The following WDPCP variants were observed in gnomAD, a reference collection of about 807,000 sequenced individuals.
The protein encoded by WDPCP is WD repeat containing planar cell polarity effector.
In WDPCP, 71 loss-of-function variants were observed where a neutral mutation model predicts 93.1. The ratio of observed to expected loss-of-function variants is 0.76; its 90% CI spans 0.63 to 0.93. The LOEUF (loss-of-function observed/expected upper bound fraction) is 0.93. WDPCP is among the 40% of genes least tolerant of loss of function. WDPCP has a pLI of 0.00. For missense variants in WDPCP, 844 were observed against 887.4 expected, an observed-to-expected ratio of 0.95 and a Z score of 0.62; for synonymous variants, 315 against 315.0, an observed-to-expected ratio of 1.00 and a Z score of 0.00.
intron 2 of WDPCP, among the ~76,000 whole-genome samples, chr2:63,689,723 T>C (rs989242898): frequency 2.0e-5 from 3 of 152,204 alleles, no homozygotes; most frequent in African/African-American, 2.4e-5. Context: ...TCCTCTCTTA[T>C]TTCTTCAGAT....
intron 2 of WDPCP, among the ~76,000 whole-genome samples, chr2:63,662,999 A>G (rs1710243061): frequency 6.6e-6 from 1 of 152,178 alleles, no homozygotes; most frequent in Non-Finnish European, 1.5e-5. Flanking sequence ...AGAGACAAAA[A>G]GCTCACCAGC....
intron 1 of WDPCP, among the ~76,000 whole-genome samples, chr2:63,565,139 T>A (rs750021535): frequency 4.6e-5 from 7 of 152,120 alleles, no homozygotes; most frequent in Non-Finnish European, 8.8e-5. Context: ...ACAAGATTTA[T>A]CCTAAAGCAT....
chr2:63,713,366 T>C (rs1306017669), intron 2 of WDPCP, among the ~76,000 whole-genome samples: 1 of 152,192 alleles, frequency 6.6e-6, no homozygotes, highest in African/African-American at 2.4e-5. Flanking sequence ...CATAGAGGGA[T>C]AGGAATGGTG....
intron 14 of WDPCP, among the ~76,000 whole-genome samples, chr2:63,250,044 A>G (rs971627293): frequency 6.6e-6 from 1 of 152,200 alleles, no homozygotes; most frequent in African/African-American, 2.4e-5. Flanking sequence ...ATATATCCTT[A>G]TTAAGTTGAG....
chr2:63,756,165 A>G (rs1669965445), intron 2 of WDPCP, among the ~76,000 whole-genome samples: 1 of 152,190 alleles, frequency 6.6e-6, no homozygotes, highest in Non-Finnish European at 1.5e-5. Context: ...AATGTTATTG[A>G]TTTTTCCTAA....
At chr2:63,500,447 G>C (rs1305318012) in intron 1 of WDPCP, among the ~76,000 whole-genome samples, 3 of 88,832 alleles carry the variant, frequency 3.4e-5, no homozygotes, top group African/African-American at 1.2e-4. Context: ...AGAGAAAATG[G>C]TGTGGGGGTG....
chr2:63,729,342 A>AT (rs1250550288), intron 2 of WDPCP, among the ~76,000 whole-genome samples: 14 of 152,230 alleles, frequency 9.2e-5, no homozygotes, highest in South Asian at 2.1e-4. Flanking sequence ...TGATAAAAAA[A>AT]ATATATTTTA....
chr2:63,268,976 G>A (rs1274521079), intron 13 of WDPCP, among the ~76,000 whole-genome samples: 2 of 151,734 alleles, frequency 1.3e-5, no homozygotes, highest in South Asian at 4.2e-4. Context: ...AAATATAAAA[G>A]AATCATGCAT....
At chr2:63,623,113 C>T (rs1709767633) in intron 3 of WDPCP, among the ~76,000 whole-genome samples, 1 of 152,232 alleles carries the variant, frequency 6.6e-6, no homozygotes, top group Non-Finnish European at 1.5e-5. Context: ...AAAGAAATAA[C>T]GTCTTTTACA....
intron 1 of WDPCP, among the ~76,000 whole-genome samples, chr2:63,506,329 T>C (rs1701868153): frequency 6.6e-6 from 1 of 151,952 alleles, no homozygotes; most frequent in Admixed American, 6.6e-5. Context: ...TCCAAATAAC[T>C]TGGCAACATA....
intron 2 of WDPCP, among the ~76,000 whole-genome samples, chr2:63,722,654 A>AGG (rs1169940858): frequency 3.5e-5 from 1 of 28,568 alleles, no homozygotes; most frequent in African/African-American, 2.4e-4. Context: ...TCCGGGAGGG[A>AGG]GGTGGGGGGG....
chr2:63,226,685 C>A (rs572663735), intron 14 of WDPCP, among the ~76,000 whole-genome samples: 14 of 151,964 alleles, frequency 9.2e-5, no homozygotes, highest in African/African-American at 2.9e-4. Context: ...CTCTGTATTA[C>A]TGTAGAACAT....
At chr2:63,705,689 T>C (rs574602491) in intron 2 of WDPCP, among the ~76,000 whole-genome samples, 4 of 151,582 alleles carry the variant, frequency 2.6e-5, no homozygotes, top group African/African-American at 9.7e-5. Context: ...TGTTCTTTTA[T>C]ATTTGCTGAG....
intron 12 of WDPCP, among the ~76,000 whole-genome samples, chr2:63,327,067 T>C (rs189902458): frequency 3.9e-5 from 6 of 152,202 alleles, no homozygotes; most frequent in Admixed American, 3.3e-4. Flanking sequence ...TTAATTACCA[T>C]ACAAAGTTCT....
intron 12 of WDPCP, among the ~76,000 whole-genome samples, chr2:63,353,235 G>C (rs1689762134): frequency 6.6e-6 from 1 of 152,178 alleles, no homozygotes; most frequent in East Asian, 1.9e-4. Context: ...CTGTAGAACA[G>C]TCCCTAAGGC....
chr2:63,718,103 T>C (rs1413926147), intron 2 of WDPCP, among the ~76,000 whole-genome samples: 1 of 152,024 alleles, frequency 6.6e-6, no homozygotes, highest in Non-Finnish European at 1.5e-5. Context: ...ATGATAAATA[T>C]ATGATATGAT....
intron 1 of WDPCP, among the ~76,000 whole-genome samples, chr2:63,500,590 G>C (rs1701491229): frequency 6.6e-6 from 1 of 152,098 alleles, no homozygotes; most frequent in Non-Finnish European, 1.5e-5. Context: ...TAGAGGTTAA[G>C]TCTGCTAAAG....
chr2:63,271,160 A>G (rs1242595538), intron 13 of WDPCP, among the ~76,000 whole-genome samples: 4 of 152,224 alleles, frequency 2.6e-5, no homozygotes, highest in African/African-American at 9.6e-5. Context: ...CAATGGGACC[A>G]GAACCAAAGT....
At chr2:63,231,777 T>G (rs931123475) in intron 14 of WDPCP, among the ~76,000 whole-genome samples, 1 of 152,164 alleles carries the variant, frequency 6.6e-6, no homozygotes, top group African/African-American at 2.4e-5. Flanking sequence ...ATAGATTCAA[T>G]GCCATCCCCA....
Sources: gnomAD v4.1 joint callset for allele counts (sites outside exome capture counted in the v4.1 genomes callset) on GRCh38, gnomAD v4.1.1 for gene constraint, MANE v1.5 for transcripts, NCBI Gene and HGNC (gene_info 2026-07-23, HGNC 2026-07-21) for gene names.